TNNI3K: variants seen among roughly 807,000 people sequenced by gnomAD.
TNNI3K encodes serine/threonine-protein kinase TNNI3K.
In TNNI3K, 140 loss-of-function variants were observed where a neutral mutation model predicts 114.5. The ratio of observed to expected loss-of-function variants is 1.22; its 90% CI spans 1.07 to 1.41. The LOEUF (loss-of-function observed/expected upper bound fraction) is 1.41, where lower values mean the gene tolerates loss of function less well. TNNI3K is among the 40% of genes most tolerant of loss of function. The probability of loss-of-function intolerance (pLI) is 0.00; values close to 1 mark genes in which losing one functional copy is unlikely to be tolerated. For missense variants in TNNI3K, 1,125 were observed against 1,007.6 expected (o/e 1.12, Z -1.58); for synonymous variants, 347 against 347.5 (o/e 1.00, Z 0.02).
chr1:74,243,066 T>C (rs1654346480), intron 2 of TNNI3K, among the ~76,000 whole-genome samples: 1 of 152,188 alleles, frequency 6.6e-6, no homozygotes, highest in Non-Finnish European at 1.5e-5. Flanking sequence ...ATAACTATTA[T>C]AGCAGCTAAT....
chr1:74,261,824 C>T (rs1655693516), intron 4 of TNNI3K, among the ~76,000 whole-genome samples: 1 of 151,998 alleles, frequency 6.6e-6, no homozygotes, highest in South Asian at 2.1e-4. Context: ...TCATTTATCC[C>T]ATCCTATATA....
At chr1:74,470,339 T>C (rs1041725724) in intron 21 of TNNI3K, 11 of 400,546 alleles carry the variant, frequency 2.7e-5, no homozygotes, top group African/African-American at 6.2e-5. Context: ...GTTAACATAC[T>C]AGAATCTGTC....
rs766202822 is a variant in TNNI3K at position 74,369,577 on chromosome 1, G to A, written c.1659G>A (p.Glu553=). The A allele has an allele frequency of 6.8e-6, 11 of 1,606,054 alleles. No individual in the cohort carries two copies. Among genetic ancestry groups the A allele is most frequent in the Non-Finnish European group, 9.3e-6 (11 of 1,176,554 alleles). The change falls in exon 16 of 25, where the codon GAG becomes GAA. Residue 553 remains glutamate (E), a synonymous_variant. Transcript: ENST00000326637. ...SGGSLFSLLH[E]QKRILDLQSK... ...GTTCTCTGTTCTCCCTCCTTCATGA[G>A]CAGAAGAGGTATGGGTCTTTTGTTC...
chr1:74,242,885 C>T (rs1481305223), intron 2 of TNNI3K, among the ~76,000 whole-genome samples: 1 of 151,356 alleles, frequency 6.6e-6, no homozygotes, highest in East Asian at 1.9e-4. Context: ...ATTGTTCTCC[C>T]TCTCCTTCTC....
At chr1:74,249,574 A>C in intron 3 of TNNI3K, 30 bp downstream of exon 3, 1 of 1,607,690 alleles carries the variant, frequency 6.2e-7, no homozygotes. Context: ...TACTTCTTAA[A>C]CTGGTTATAT....
intron 17 of TNNI3K, among the ~76,000 whole-genome samples, chr1:74,429,394 G>T (rs972176509): frequency 2.0e-5 from 3 of 152,120 alleles, no homozygotes; most frequent in Non-Finnish European, 4.4e-5. Context: ...AAAGTAAGTG[G>T]ATGTGAATTG....
At chr1:74,418,271 G>T in intron 17 of TNNI3K, 2 of 411,258 alleles carry the variant, frequency 4.9e-6, no homozygotes, top group Admixed American at 5.7e-5. Flanking sequence ...AGGCATCTCA[G>T]TTCCTAACGA....
intron 23 of TNNI3K, among the ~76,000 whole-genome samples, chr1:74,501,381 TTTC>T (rs567992883): frequency 7.5e-4 from 114 of 152,370 alleles, no homozygotes; most frequent in African/African-American, 2.6e-3. Flanking sequence ...GCTCCATACT[TTTC>T]TTCTTTTATT....
At chr1:74,335,303 T>G (rs1318204492) in intron 6 of TNNI3K, among the ~76,000 whole-genome samples, 1 of 152,184 alleles carries the variant, frequency 6.6e-6, no homozygotes, top group Non-Finnish European at 1.5e-5. Flanking sequence ...AGGACTATCT[T>G]AAACTGCACC....
chr1:74,358,042 A>G (rs1373542890), intron 11 of TNNI3K, among the ~76,000 whole-genome samples: 1 of 152,170 alleles, frequency 6.6e-6, no homozygotes, highest in Non-Finnish European at 1.5e-5. Flanking sequence ...ATCTCAGCCA[A>G]TTAGAATTGA....
chr1:74,534,368 G>A (rs188344120), intron 23 of TNNI3K, among the ~76,000 whole-genome samples: 2 of 152,244 alleles, frequency 1.3e-5, no homozygotes, highest in Non-Finnish European at 2.9e-5. Context: ...AGTCTTCTTT[G>A]GAATGCAATT....
At position 74,306,270 on chromosome 1, in the gene TNNI3K, A is replaced by G. The variant is rs140255014; in HGVS notation, c.445-25180A>G. ...ATATGTACCACATTTTCTTTATCCA[A>G]TCCATCATTGATAGGCACCTAGATT... On this transcript the variant is annotated intron_variant, in intron 5 of 24. Coordinates refer to ENST00000326637, the MANE Select transcript of TNNI3K (RefSeq NM_015978.3). 3.1e-3 allele frequency among the ~76,000 whole-genome samples: 467 copies of G among 152,088 alleles called. 3 individuals are homozygous for G. The highest frequency in any genetic ancestry group is 0.011 in the African/African-American group (455 of 41,502).
At chr1:74,395,659 C>T (rs1664040493) in intron 17 of TNNI3K, among the ~76,000 whole-genome samples, 1 of 152,104 alleles carries the variant, frequency 6.6e-6, no homozygotes, top group Non-Finnish European at 1.5e-5. Context: ...GTGGTTATGT[C>T]CTCCCACAAG....
Position 74,390,965 on chromosome 1 carries a change from G to GA in TNNI3K, c.1772+20587dup, listed in dbSNP as rs10672464. 5.8e-3 allele frequency among the ~76,000 whole-genome samples: 764 copies of GA among 131,702 alleles called. 18 individuals carry two copies. Among genetic ancestry groups the GA allele is most frequent in the African/African-American group, 0.017 (586 of 34,414 alleles). 86.4% of individuals were successfully genotyped at this position (131,702 alleles called of 152,430 possible). On this transcript the variant is annotated intron_variant, in intron 17 of 24. Coordinates refer to ENST00000326637, the MANE Select transcript of TNNI3K (RefSeq NM_015978.3). ...GAATGAAAAAAATATATTTTTTTCC[G>GA]AAAAAAAAAAAAAACTGTGTGACTG... is the stretch of plus-strand genomic sequence containing the variant.
intron 9 of TNNI3K, among the ~76,000 whole-genome samples, chr1:74,351,510 G>A (rs199786421): frequency 0.29 from 43,734 of 150,286 alleles, 7,710 homozygotes; most frequent in Middle Eastern, 0.41. Context: ...TTGAATGTTG[G>A]CCTGCCTTGC....
chr1:74,242,955 C>T (rs1422361695), intron 2 of TNNI3K, among the ~76,000 whole-genome samples: 1 of 152,098 alleles, frequency 6.6e-6, no homozygotes, highest in Non-Finnish European at 1.5e-5. Flanking sequence ...ATCTCTTCTT[C>T]TTTTCCATCC....
chr1:74,319,262 T>C (rs183069547), intron 5 of TNNI3K, among the ~76,000 whole-genome samples: 1 of 152,272 alleles, frequency 6.6e-6, no homozygotes, highest in Admixed American at 6.5e-5. Flanking sequence ...TTTCTATCCA[T>C]AGGGCAGTTC....
intron 3 of TNNI3K, among the ~76,000 whole-genome samples, chr1:74,250,100 T>A (rs1201039311): frequency 6.6e-6 from 1 of 152,232 alleles, no homozygotes; most frequent in Non-Finnish European, 1.5e-5. Flanking sequence ...CATTAATATT[T>A]ATTTTGTTAA....
chr1:74,446,392 T>C (rs1375419446), intron 20 of TNNI3K, among the ~76,000 whole-genome samples: 6 of 150,518 alleles, frequency 4.0e-5, no homozygotes, highest in Admixed American at 1.3e-4. Context: ...GGGTTGTTTG[T>C]TTTTTTCTTG....
Sources: gnomAD v4.1 joint callset for allele counts (sites outside exome capture counted in the v4.1 genomes callset) on GRCh38, gnomAD v4.1.1 for gene constraint, MANE v1.5 for transcripts, NCBI Gene and HGNC (gene_info 2026-07-23, HGNC 2026-07-21) for gene names.